SIRT4: variants seen among roughly 807,000 people sequenced by gnomAD.
SIRT4 encodes sirtuin 4.
Under a neutral mutation model 26.1 loss-of-function variants are expected in SIRT4, and 23 were observed. The ratio of observed to expected loss-of-function variants is 0.88; its 90% confidence interval spans 0.63 to 1.25. SIRT4 has a LOEUF of 1.25. Ranked by LOEUF, SIRT4 falls within the 50% of genes most tolerant of loss-of-function variation. The pLI is 0.00. For synonymous variants in SIRT4, 155 were observed against 158.4 expected, an observed-to-expected ratio of 0.98 and a Z score of 0.16; for missense variants, 361 against 405.4, an observed-to-expected ratio of 0.89 and a Z score of 0.94.
In SIRT4 at chr12:120,310,979, C is replaced by T. The variant is rs1359309344; in HGVS notation, c.498-1477C>T. Among the ~76,000 whole-genome samples the T allele has an allele frequency of 3.7e-4, 54 of 146,802 alleles. 1 individual carries two copies. Among genetic ancestry groups the T allele is most frequent in the African/African-American group, 1.3e-3 (53 of 40,060 alleles). ...CTCGATCTCCTGACCTCGTGATCCGCCCGCCTCGGCCTCCCAAAGTGTTGG... is the reference window on the plus strand; with the variant it reads ...CTCGATCTCCTGACCTCGTGATCCGTCCGCCTCGGCCTCCCAAAGTGTTGG... On this transcript the variant is annotated intron_variant, in intron 2 of 3. Coordinates refer to ENST00000202967, the MANE Select transcript of SIRT4 (RefSeq NM_012240.3).
At chr12:120,302,767 T>A (rs1484962419) in intron 1 of SIRT4, among the ~76,000 whole-genome samples, 2 of 151,070 alleles carry the variant, frequency 1.3e-5, no homozygotes, top group Non-Finnish European at 2.9e-5. Flanking sequence ...TCGCCCAGGC[T>A]GGAGTGCAAC....
Position 120,312,920 on chromosome 12 carries a change from GAGA to G in SIRT4, c.835_837del (p.Lys279del), listed in dbSNP as rs1387584214. 17 of 1,614,042 alleles carry G rather than the reference GAGA, an allele frequency of 1.1e-5. No individual in the cohort carries two copies. The highest frequency in any genetic ancestry group is 1.7e-5 in the Admixed American group (1 of 59,968). ...TTACAGGTTTATCCTCACTGCCTGG[GAGA>G]AGAAGCTCCCGATTGCAATACTGAA... On this transcript the variant is annotated inframe_deletion, in exon 4 of 4. Coordinates refer to ENST00000202967, the MANE Select transcript of SIRT4 (RefSeq NM_012240.3).
intron 2 of SIRT4, among the ~76,000 whole-genome samples, chr12:120,305,493 T>C (rs1872715328): frequency 6.6e-6 from 1 of 152,118 alleles, no homozygotes. Flanking sequence ...ACTCCTGGGC[T>C]CATGTGATCC....
At chr12:120,299,017 G>A (rs993902319), upstream of SIRT4, among the ~76,000 whole-genome samples, 1 of 150,390 alleles carries the variant, frequency 6.6e-6, no homozygotes, top group Non-Finnish European at 1.5e-5. Context: ...ACGAGGTCAA[G>A]AGATAGAGAC....
the SIRT4 span, among the ~76,000 whole-genome samples, chr12:120,292,935 T>G: frequency 2.0e-5 from 3 of 152,290 alleles, no homozygotes; most frequent in Middle Eastern, 3.4e-3. Flanking sequence ...CGCAAATCAC[T>G]AAAACAGGTA....
At chr12:120,296,227 T>G in the SIRT4 span, among the ~76,000 whole-genome samples, 1 of 151,974 alleles carries the variant, frequency 6.6e-6, no homozygotes, top group Non-Finnish European at 1.5e-5. Flanking sequence ...AATGACATTT[T>G]TTTTTTTTGA....
chr12:120,303,471 T>C (rs1185442808), intron 1 of SIRT4, 90 bp from the exon 2 acceptor site: 1 of 1,440,416 alleles, frequency 6.9e-7, no homozygotes, highest in East Asian at 2.3e-5. Flanking sequence ...GGAGACTCTG[T>C]CTCAAAAAAC....
chr12:120,292,921 T>C, the SIRT4 span, among the ~76,000 whole-genome samples: 2 of 152,218 alleles, frequency 1.3e-5, no homozygotes, highest in Non-Finnish European at 2.9e-5. Context: ...CCAACTTTCA[T>C]AAACGCAAAT....
rs984498246 is a variant in SIRT4, at chr12:120,312,471, T to A, written c.513T>A (p.Asp171Glu). ...TTGGTTCCAGGGTCCTGTGCTTGGA[T>A]TGTGGGGAACAGACTCCCCGGGGGG... Reference protein sequence around the residue: ...HGCMDRVLCLDCGEQTPRGVL... With the variant: ...HGCMDRVLCLECGEQTPRGVL... Residue 171 changes from aspartate (D) to glutamate (E), a missense_variant, in exon 3 of 4, where the codon GAT becomes GAA. Asp to Glu is a conservative substitution (Grantham distance 45). Coordinates refer to ENST00000202967, the MANE Select transcript of SIRT4 (RefSeq NM_012240.3). 6 of 1,612,412 alleles carry A rather than the reference T, an allele frequency of 3.7e-6. No homozygotes were observed. The highest frequency in any genetic ancestry group is 3.4e-5 in the Admixed American group (2 of 59,700).
chr12:120,299,111 G>C (rs1232843014), upstream of SIRT4, among the ~76,000 whole-genome samples: 3 of 141,524 alleles, frequency 2.1e-5, no homozygotes, highest in Admixed American at 2.1e-4. Flanking sequence ...GGCGCCTGTA[G>C]TCCGGAGGCT....
At chr12:120,294,082 C>A in the SIRT4 span, among the ~76,000 whole-genome samples, 12 of 129,088 alleles carry the variant, frequency 9.3e-5, no homozygotes, top group African/African-American at 3.6e-4. Flanking sequence ...CGGCTCATTG[C>A]AACCACTGCC....
chr12:120,292,075 T>G, the SIRT4 span, among the ~76,000 whole-genome samples: 7 of 152,194 alleles, frequency 4.6e-5, no homozygotes, highest in Admixed American at 3.9e-4. Flanking sequence ...TGTCAAACAT[T>G]CAGGTTTTGA....
chr12:120,308,425 G>A lies in SIRT4; in HGVS notation c.498-4031G>A, dbSNP rs376761819. Among the ~76,000 whole-genome samples the A allele has an allele frequency of 9.2e-5, 14 of 151,990 alleles. No homozygotes were observed. The South Asian group carries it at 1.7e-3, about 18-fold the overall frequency. ...CCTGACCTCGTGATCCGCCTGCCTC[G>A]GCCTCCCAAAGCGCTGGGATTACAG... On this transcript the variant is annotated intron_variant, in intron 2 of 3. Transcript: ENST00000202967.
the SIRT4 span, chr12:120,293,333 T>G: frequency 6.6e-6 from 1 of 152,232 alleles, no homozygotes; most frequent in Non-Finnish European, 1.5e-5. Context: ...CACTTATTGC[T>G]TGCTTGAAAA....
At chr12:120,295,700 T>C in the SIRT4 span, among the ~76,000 whole-genome samples, 1 of 152,004 alleles carries the variant, frequency 6.6e-6, no homozygotes. Flanking sequence ...TCACAGTTTC[T>C]AAAATTTGAA....
the SIRT4 span, chr12:120,291,906 A>C: frequency 6.6e-6 from 1 of 152,084 alleles, no homozygotes; most frequent in African/African-American, 2.4e-5. Flanking sequence ...GCAAAGCTGG[A>C]AAGGTTCTGT....
chr12:120,311,792 G>A (rs1872988765), intron 2 of SIRT4, among the ~76,000 whole-genome samples: 1 of 148,104 alleles, frequency 6.8e-6, no homozygotes, highest in Non-Finnish European at 1.5e-5. Flanking sequence ...AGGAGACACT[G>A]TGTCCTGGAA....
chr12:120,313,084 C>A lies in SIRT4; in HGVS notation c.*48C>A, dbSNP rs372809182. ...CTGGAACAGGGACTTTCACTTGAATCTTGCTGCTAAATGTAAATGCCTTCT... is the reference window on the plus strand; with the variant it reads ...CTGGAACAGGGACTTTCACTTGAATATTGCTGCTAAATGTAAATGCCTTCT... On this transcript the variant is annotated 3_prime_UTR_variant, in exon 4 of 4. Coordinates refer to ENST00000202967, the MANE Select transcript of SIRT4 (RefSeq NM_012240.3). The A allele has an allele frequency of 6.2e-7, 1 of 1,607,444 alleles. No individual in the cohort carries two copies. The highest frequency in any genetic ancestry group is 1.1e-5 in the South Asian group (1 of 90,782).
At chr12:120,310,694 C>A (rs866780112) in intron 2 of SIRT4, among the ~76,000 whole-genome samples, 2 of 151,326 alleles carry the variant, frequency 1.3e-5, no homozygotes, top group African/African-American at 4.9e-5. Context: ...TATGATCATG[C>A]CACTGCACTC....
Sources: gnomAD v4.1 joint callset for allele counts (sites outside exome capture counted in the v4.1 genomes callset) on GRCh38, gnomAD v4.1.1 for gene constraint, MANE v1.5 for transcripts, NCBI Gene and HGNC (gene_info 2026-07-23, HGNC 2026-07-21) for gene names.